The following PCDHA3 variants were observed in gnomAD, a reference collection of about 807,000 sequenced individuals.
PCDHA3 encodes protocadherin alpha 3, also known as protocadherin alpha-3.
Under a neutral mutation model 62.2 loss-of-function variants are expected in PCDHA3, and 41 were observed. The ratio of observed to expected loss-of-function variants is 0.66; its 90% CI spans 0.51 to 0.86. PCDHA3 has a LOEUF of 0.86. Ranked by LOEUF, PCDHA3 falls within the 40% of genes least tolerant of loss-of-function variation. PCDHA3 has a pLI of 0.00. For missense variants in PCDHA3, 1,304 were observed against 1,241.2 expected, an observed-to-expected ratio of 1.05 and a Z score of -0.76; for synonymous variants, 640 against 555.4, an observed-to-expected ratio of 1.15 and a Z score of -2.14.
At chr5:140,871,172 C>A in intron 1 of PCDHA3, 1 of 1,613,546 alleles carries the variant, frequency 6.2e-7, no homozygotes, top group South Asian at 1.1e-5. Context: ...AGCCCAGAGG[C>A]TGCGCTGGTG....
chr5:140,992,405 C>T (rs962261885), intron 3 of PCDHA3, among the ~76,000 whole-genome samples: 1 of 152,152 alleles, frequency 6.6e-6, no homozygotes, highest in Non-Finnish European at 1.5e-5. Context: ...AGATATTGTT[C>T]TGCCCCAGGT....
chr5:140,846,716 T>A (rs1562434614), intron 1 of PCDHA3, among the ~76,000 whole-genome samples: 1 of 149,312 alleles, frequency 6.7e-6, no homozygotes, highest in Non-Finnish European at 1.5e-5. Context: ...TAATAACCAG[T>A]CTTCATTAAA....
At chr5:140,932,028 G>T (rs1299372751) in intron 1 of PCDHA3, among the ~76,000 whole-genome samples, 1 of 151,864 alleles carries the variant, frequency 6.6e-6, no homozygotes, top group African/African-American at 2.4e-5. Context: ...TAAGTTTACA[G>T]TATATATTAA....
intron 1 of PCDHA3, chr5:140,842,783 G>C (rs2150344113): frequency 1.3e-6 from 2 of 1,594,544 alleles, no homozygotes; most frequent in Non-Finnish European, 1.7e-6. Context: ...GCAGGAGAAC[G>C]CGCTGGTGTC....
chr5:140,955,078 G>T lies in PCDHA3; in HGVS notation c.2395-23871G>T, dbSNP rs192023775. On this transcript the variant is annotated intron_variant, in intron 1 of 3. Transcript: ENST00000522353. ...TTGTCAGGTTTGTTGAAGATCAGAT[G>T]GTTGTAGGTGTGTGGTGTTATTTCT... Among the ~76,000 whole-genome samples, 36 of 152,228 alleles carry T rather than the reference G, an allele frequency of 2.4e-4. No homozygotes were observed. In the East Asian group the frequency reaches 6.6e-3, roughly 28 times the overall value.
chr5:140,876,455 C>G, intron 1 of PCDHA3: 1 of 1,613,992 alleles, frequency 6.2e-7, no homozygotes, highest in Non-Finnish European at 8.5e-7. Context: ...AAAGGGATTC[C>G]TTCCATGGCA....
At chr5:140,880,173 C>T (rs2058257400) in intron 1 of PCDHA3, among the ~76,000 whole-genome samples, 1 of 152,006 alleles carries the variant, frequency 6.6e-6, no homozygotes, top group Non-Finnish European at 1.5e-5. Context: ...AGAAGTTAAA[C>T]ATGAAGGGAA....
chr5:140,899,005 G>A (rs1220603725), intron 1 of PCDHA3, among the ~76,000 whole-genome samples: 1 of 151,848 alleles, frequency 6.6e-6, no homozygotes, highest in Non-Finnish European at 1.5e-5. Context: ...TGTTATTGGT[G>A]TATAAGAATG....
At position 140,857,660 on chromosome 5, in the gene PCDHA3, G is replaced by A. The variant is rs368920437; in HGVS notation, c.2394+54069G>A. 9 of 1,596,734 alleles carry A rather than the reference G, an allele frequency of 5.6e-6. 1 individual carries two copies. Among genetic ancestry groups the A allele is most frequent in the Non-Finnish European group, 7.7e-6 (9 of 1,167,798 alleles). On this transcript the variant is annotated intron_variant, in intron 1 of 3. Coordinates refer to ENST00000522353, the MANE Select transcript of PCDHA3 (RefSeq NM_018906.3). ...GCTACAGTTCCAGGTGAGCGCGCGC[G>A]ATGGGGGCGTGCCGCCTCTGGGCAG...
Position 140,848,316 on chromosome 5 carries a change from G to T in PCDHA3, c.2394+44725G>T, listed in dbSNP as rs2150408504. 15 of 742,766 alleles carry T rather than the reference G, an allele frequency of 2.0e-5. 1 individual carries two copies. The highest frequency in any genetic ancestry group is 7.0e-5 in the African/African-American group (4 of 57,284). 46.0% of individuals were successfully genotyped at this position (742,766 alleles called of 1,614,324 possible). A position where few individuals can be genotyped will look rare whatever the true frequency, so the allele number is the denominator to read the frequency against. ...GCCACGTGATGTCACTCTTTGCCGC[G>T]ATGTTCTCTCTGAATCCAGACAAAT... On this transcript the variant is annotated intron_variant, in intron 1 of 3. Transcript: ENST00000522353.
At chr5:140,926,217 T>C (rs1201243643) in intron 1 of PCDHA3, among the ~76,000 whole-genome samples, 1 of 151,994 alleles carries the variant, frequency 6.6e-6, no homozygotes, top group African/African-American at 2.4e-5. Flanking sequence ...CCTGTTTCCT[T>C]AAGCCTAGAA....
At chr5:140,878,264 T>G (rs577205816) in intron 1 of PCDHA3, among the ~76,000 whole-genome samples, 83 of 152,314 alleles carry the variant, frequency 5.4e-4, no homozygotes, top group African/African-American at 1.9e-3. Flanking sequence ...TGCTTAGGCT[T>G]TTAAAATAGC....
intron 1 of PCDHA3, chr5:140,829,111 T>G: frequency 6.2e-7 from 1 of 1,612,018 alleles, no homozygotes; most frequent in Non-Finnish European, 8.5e-7. Flanking sequence ...TAGTGAGAAT[T>G]TTGGATAAAA....
intron 1 of PCDHA3, chr5:140,810,670 CTTTTTTCTCTTCT>C (rs1370991145): frequency 4.0e-5 from 4 of 98,992 alleles, no homozygotes; most frequent in African/African-American, 2.0e-4. Flanking sequence ...TTTTTCTTTT[CTTTTTTCTCTTCT>C]TTTTGCTTCC....
intron 1 of PCDHA3, chr5:140,883,678 G>A (rs555791080): frequency 3.7e-6 from 6 of 1,613,902 alleles, no homozygotes; most frequent in South Asian, 3.3e-5. Flanking sequence ...ACAATCCGCC[G>A]GGCTGCCACA....
intron 1 of PCDHA3, among the ~76,000 whole-genome samples, chr5:140,845,100 T>G (rs1393397461): frequency 1.3e-5 from 2 of 149,736 alleles, no homozygotes; most frequent in Non-Finnish European, 3.0e-5. Flanking sequence ...TACAGTTCTC[T>G]TAATGCCTGT....
At chr5:140,816,324 G>A (rs2126670653) in intron 1 of PCDHA3, 52 of 152,128 alleles carry the variant, frequency 3.4e-4, no homozygotes, top group African/African-American at 1.3e-3. Flanking sequence ...TTCAATTATT[G>A]TATTCTTCAG....
rs185971380 is a variant in PCDHA3, at chr5:140,858,398, G to T, written c.2394+54807G>T. On this transcript the variant is annotated intron_variant, in intron 1 of 3. Transcript: ENST00000522353. ...ACCATGCCCAATGGTAGATGTGGAC[G>T]GGGAAGATCAGTCTATTGGAGGGGA... The T allele has an allele frequency of 3.4e-5, 54 of 1,574,020 alleles. No homozygotes were observed. In the East Asian group the frequency reaches 1.1e-3, roughly 32 times the overall value.
chr5:140,865,248 G>C (rs2048793700), intron 1 of PCDHA3: 1 of 152,148 alleles, frequency 6.6e-6, no homozygotes, highest in Non-Finnish European at 1.5e-5. Context: ...ATTTATAGCT[G>C]TAAGGATGTG....
Sources: allele counts gnomAD v4.1 joint callset (sites outside exome capture counted in the v4.1 genomes callset), GRCh38; gene constraint gnomAD v4.1.1; transcripts MANE v1.5; gene names NCBI Gene and HGNC (gene_info 2026-07-23, HGNC 2026-07-21).